Variants in WWOX observed in about 807,000 individuals in gnomAD.
WWOX encodes WW domain-containing oxidoreductase.
Under a neutral mutation model 46.2 loss-of-function variants are expected in WWOX, and 69 were observed. That is an observed-to-expected ratio of 1.49 (90% CI 1.23 to 1.82). The LOEUF is 1.82. WWOX is among the 40% of genes most tolerant of loss of function. WWOX has a pLI of 0.00. For missense variants in WWOX, 919 were observed against 542.6 expected, an observed-to-expected ratio of 1.69 and a Z score of -6.89; for synonymous variants, 359 against 202.6, an observed-to-expected ratio of 1.77 and a Z score of -6.56.
At chr16:78,975,663 C>T (rs1465190520) in intron 8 of WWOX, among the ~76,000 whole-genome samples, 1 of 152,038 alleles carries the variant, frequency 6.6e-6, no homozygotes, top group Non-Finnish European at 1.5e-5. Context: ...ATGTTAACAC[C>T]CCTGGATGTA....
intron 4 of WWOX, among the ~76,000 whole-genome samples, chr16:78,155,683 A>G (rs552004430): frequency 6.6e-6 from 1 of 152,306 alleles, no homozygotes; most frequent in Admixed American, 6.5e-5. Context: ...CATTGTCATA[A>G]AGTTAATTTT....
chr16:78,374,575 G>C (rs931712363), intron 5 of WWOX, among the ~76,000 whole-genome samples: 1 of 107,174 alleles, frequency 9.3e-6, no homozygotes, highest in East Asian at 3.0e-4. Context: ...TTAAGGCAGA[G>C]TTTCTGTCTG....
chr16:78,103,330 C>A (rs574596006), intron 1 of WWOX, among the ~76,000 whole-genome samples: 5 of 150,436 alleles, frequency 3.3e-5, no homozygotes, highest in African/African-American at 1.2e-4. Flanking sequence ...CATAAGTAAA[C>A]CTGTGCCATG....
chr16:78,501,095 A>G (rs2085052982), intron 8 of WWOX, among the ~76,000 whole-genome samples: 2 of 151,992 alleles, frequency 1.3e-5, no homozygotes, highest in Non-Finnish European at 2.9e-5. Flanking sequence ...GCTGAATGGC[A>G]GGGATTCCAG....
intron 8 of WWOX, among the ~76,000 whole-genome samples, chr16:78,760,115 T>C (rs1300316192): frequency 2.6e-5 from 4 of 152,182 alleles, no homozygotes; most frequent in African/African-American, 4.8e-5. Context: ...CACAGTTCCA[T>C]GTGGCTAGGG....
At chr16:78,312,139 G>C (rs553688780) in intron 5 of WWOX, among the ~76,000 whole-genome samples, 2 of 152,084 alleles carry the variant, frequency 1.3e-5, no homozygotes, top group African/African-American at 2.4e-5. Flanking sequence ...GATTTCATTG[G>C]TCTCAGCTGG....
rs139804675 is a variant in WWOX, at chr16:79,109,993, G to T, written c.1057-101615G>T. 2.0e-5 allele frequency among the ~76,000 whole-genome samples: 3 copies of T among 152,292 alleles called. 1 individual carries two copies. The highest frequency in any genetic ancestry group is 2.0e-4 in the Admixed American group (3 of 15,300). On this transcript the variant is annotated intron_variant, in intron 8 of 8. Transcript: ENST00000566780. ...ACCCTCCAAATCAAGAGTCCAGCCCGTTATGTCGCAAGGGCTTTGGGAAAT... is the reference window on the plus strand; with the variant it reads ...ACCCTCCAAATCAAGAGTCCAGCCCTTTATGTCGCAAGGGCTTTGGGAAAT...
chr16:79,152,053 A>C (rs993360044), intron 8 of WWOX, among the ~76,000 whole-genome samples: 1 of 152,206 alleles, frequency 6.6e-6, no homozygotes, highest in Non-Finnish European at 1.5e-5. Flanking sequence ...GAAGACCTTG[A>C]TCTTACCATA....
intron 8 of WWOX, among the ~76,000 whole-genome samples, chr16:78,777,908 G>A (rs976368027): frequency 3.3e-5 from 5 of 151,986 alleles, no homozygotes; most frequent in African/African-American, 1.2e-4. Context: ...AGCTGGGTGT[G>A]GTGGCACATA....
At chr16:78,661,004 C>T (rs2047197806) in intron 8 of WWOX, among the ~76,000 whole-genome samples, 1 of 152,048 alleles carries the variant, frequency 6.6e-6, no homozygotes, top group African/African-American at 2.4e-5. Context: ...AAGTTAGATC[C>T]ATGTCTTACT....
chr16:78,780,587 G>A (rs1436365076), intron 8 of WWOX: 3 of 152,220 alleles, frequency 2.0e-5, no homozygotes, highest in Non-Finnish European at 4.4e-5. Context: ...CCTTGTGGAA[G>A]CAACTTCGGG....
chr16:78,836,097 G>A (rs2151163414), intron 8 of WWOX, among the ~76,000 whole-genome samples: 1 of 152,200 alleles, frequency 6.6e-6, no homozygotes, highest in South Asian at 2.1e-4. Context: ...GACCTTGTAT[G>A]CACACATGAG....
At position 78,356,033 on chromosome 16, in the gene WWOX, C is replaced by A. The variant is rs374524477; in HGVS notation, c.517-30827C>A. On this transcript the variant is annotated intron_variant, in intron 5 of 8. Coordinates refer to ENST00000566780, the MANE Select transcript of WWOX (RefSeq NM_016373.4). Reference sequence around the variant, plus strand: ...AAATGGTATTTTCGTTTTTCTCAAGCTCTTCCAATAAATATGACCACCAAG... The same window carrying A: ...AAATGGTATTTTCGTTTTTCTCAAGATCTTCCAATAAATATGACCACCAAG... 8.0e-4 allele frequency among the ~76,000 whole-genome samples: 96 copies of A among 119,996 alleles called. 1 individual carries two copies. Among genetic ancestry groups the A allele is most frequent in the African/African-American group, 2.7e-3 (92 of 33,690 alleles). The allele number at this position is 119,996 out of a possible 152,430, so 78.7% of individuals were successfully genotyped here.
At chr16:78,619,106 G>T (rs369323077) in intron 8 of WWOX, among the ~76,000 whole-genome samples, 23 of 116,630 alleles carry the variant, frequency 2.0e-4, no homozygotes, top group African/African-American at 7.1e-4. Context: ...AACCAGCCTG[G>T]CCAACGTGGC....
intron 8 of WWOX, among the ~76,000 whole-genome samples, chr16:79,181,513 C>G (rs970722857): frequency 6.6e-6 from 1 of 151,864 alleles, no homozygotes; most frequent in African/African-American, 2.4e-5. Context: ...TTACTTAACA[C>G]TATGCAGAAC....
intron 8 of WWOX, among the ~76,000 whole-genome samples, chr16:78,851,444 A>T (rs189969156): frequency 2.8e-4 from 43 of 152,350 alleles, no homozygotes; most frequent in African/African-American, 9.9e-4. Flanking sequence ...TTAATTGGCA[A>T]ATGATTAAAG....
chr16:78,919,965 C>T (rs376168680), intron 8 of WWOX, among the ~76,000 whole-genome samples: 1 of 152,214 alleles, frequency 6.6e-6, no homozygotes, highest in Non-Finnish European at 1.5e-5. Context: ...AACACGTAAG[C>T]TTATTTACGG....
Position 79,212,655 on chromosome 16 carries a change from T to C in WWOX, c.*859T>C, listed in dbSNP as rs2051810284. ...GCATCCTATGCTTAATAAAAGAACATGCTTGAATATCATCACCTGAAGTTT... is the reference window on the plus strand; with the variant it reads ...GCATCCTATGCTTAATAAAAGAACACGCTTGAATATCATCACCTGAAGTTT... On this transcript the variant is annotated 3_prime_UTR_variant, in exon 9 of 9. Transcript: ENST00000566780. 1 of 148,922 alleles carries C rather than the reference T, an allele frequency of 6.7e-6. No homozygotes were observed. Among genetic ancestry groups the C allele is most frequent in the African/African-American group, 2.4e-5 (1 of 41,308 alleles). 9.2% of individuals were successfully genotyped at this position (148,922 alleles called of 1,614,324 possible). A position where few individuals can be genotyped will look rare whatever the true frequency, so the allele number is the denominator to read the frequency against.
chr16:78,560,007 A>G (rs1374581381), intron 8 of WWOX, among the ~76,000 whole-genome samples: 1 of 152,232 alleles, frequency 6.6e-6, no homozygotes, highest in East Asian at 1.9e-4. Flanking sequence ...ATATTGCTTC[A>G]GAGAAATTAG....
Sources: gnomAD v4.1 joint callset for allele counts (sites outside exome capture counted in the v4.1 genomes callset) on GRCh38, gnomAD v4.1.1 for gene constraint, MANE v1.5 for transcripts, NCBI Gene and HGNC (gene_info 2026-07-23, HGNC 2026-07-21) for gene names.